PRKG1: variants seen among roughly 807,000 people sequenced by gnomAD.
The protein encoded by PRKG1 is cGMP-dependent protein kinase 1.
PRKG1 carries 35 observed loss-of-function variants against 88.1 expected under a neutral mutation model. That is an observed-to-expected ratio of 0.40 (90% CI 0.30 to 0.53). The LOEUF (loss-of-function observed/expected upper bound fraction) is 0.53, where lower values mean the gene tolerates loss of function less well. Among genes scored for constraint, PRKG1 ranks in the 20% least tolerant of loss-of-function variants. PRKG1 has a pLI of 0.59. For missense variants in PRKG1, 540 were observed against 839.8 expected (o/e 0.64, Z 4.41); for synonymous variants, 303 against 292.5 (o/e 1.04, Z -0.37).
intron 8 of PRKG1, among the ~76,000 whole-genome samples, chr10:52,154,981 T>TA (rs2132674628): frequency 6.6e-6 from 1 of 152,306 alleles, no homozygotes; most frequent in African/African-American, 2.4e-5. Flanking sequence ...TTCATTTTTT[T>TA]ATGGCTGAGT....
At chr10:51,429,806 A>T (rs192727303) in intron 2 of PRKG1, among the ~76,000 whole-genome samples, 2 of 151,998 alleles carry the variant, frequency 1.3e-5, no homozygotes, top group Admixed American at 1.3e-4. Flanking sequence ...GAAAAAAAAA[A>T]CAGAAGAAGG....
intron 7 of PRKG1, among the ~76,000 whole-genome samples, chr10:52,088,368 T>A (rs910526445): frequency 3.3e-5 from 5 of 150,780 alleles, no homozygotes; most frequent in Non-Finnish European, 7.4e-5. Context: ...GATATTATTT[T>A]ATATATTTAT....
At chr10:51,249,059 A>G (rs182288238) in intron 2 of PRKG1, among the ~76,000 whole-genome samples, 2 of 151,978 alleles carry the variant, frequency 1.3e-5, no homozygotes, top group Non-Finnish European at 2.9e-5. Flanking sequence ...CAAATTTATC[A>G]TTTATAAAAT....
chr10:52,015,489 A>G (rs1451791423), intron 5 of PRKG1, among the ~76,000 whole-genome samples: 1 of 152,220 alleles, frequency 6.6e-6, no homozygotes, highest in Non-Finnish European at 1.5e-5. Flanking sequence ...CTGTGATGGC[A>G]GGGGCTGCTG....
At chr10:52,176,076 A>T (rs11001072) in intron 9 of PRKG1, among the ~76,000 whole-genome samples, 4,938 of 150,442 alleles carry the variant, frequency 0.033, 285 homozygotes, top group African/African-American at 0.11. Flanking sequence ...TCCTAGGCTG[A>T]TGTCTTGAAG....
At chr10:51,728,567 G>A (rs1842196776) in intron 3 of PRKG1, among the ~76,000 whole-genome samples, 1 of 26,516 alleles carries the variant, frequency 3.8e-5, no homozygotes, top group African/African-American at 1.5e-4. Flanking sequence ...TTATTACAGA[G>A]TACTTATCTC....
intron 2 of PRKG1, among the ~76,000 whole-genome samples, chr10:51,179,611 A>G (rs1837293278): frequency 6.6e-6 from 1 of 152,198 alleles, no homozygotes; most frequent in Admixed American, 6.5e-5. Context: ...GTGATAATAG[A>G]TTGGTCATTC....
chr10:51,187,846 C>G (rs1235004030), intron 2 of PRKG1, among the ~76,000 whole-genome samples: 1 of 151,950 alleles, frequency 6.6e-6, no homozygotes, highest in Non-Finnish European at 1.5e-5. Flanking sequence ...TTCAGTTCCA[C>G]TAGGATGGTT....
intron 14 of PRKG1, among the ~76,000 whole-genome samples, chr10:52,284,272 A>C (rs1487629829): frequency 6.6e-6 from 1 of 152,072 alleles, no homozygotes; most frequent in East Asian, 1.9e-4. Flanking sequence ...AAAATAAAGC[A>C]CTATAAGTCA....
At chr10:51,459,865 TG>T (rs1283614956) in intron 2 of PRKG1, among the ~76,000 whole-genome samples, 1 of 152,196 alleles carries the variant, frequency 6.6e-6, no homozygotes, top group Non-Finnish European at 1.5e-5. Context: ...TTCAATCTGC[TG>T]GCAACATGAT....
intron 4 of PRKG1, among the ~76,000 whole-genome samples, chr10:51,898,111 C>T (rs1375215213): frequency 1.3e-5 from 2 of 152,094 alleles, no homozygotes; most frequent in Non-Finnish European, 2.9e-5. Flanking sequence ...ACCCTTGGCT[C>T]ACTCTGTTCA....
intron 9 of PRKG1, among the ~76,000 whole-genome samples, chr10:52,170,893 C>A (rs189557219): frequency 6.6e-6 from 1 of 152,174 alleles, no homozygotes; most frequent in East Asian, 1.9e-4. Context: ...GGCTTTCAGA[C>A]AGAACGGCTG....
intron 5 of PRKG1, among the ~76,000 whole-genome samples, chr10:51,923,450 A>C (rs1166190727): frequency 6.6e-6 from 1 of 150,724 alleles, no homozygotes; most frequent in Non-Finnish European, 1.5e-5. Flanking sequence ...TTATATGCTA[A>C]TTTGTGATTA....
chr10:51,248,137 A>G (rs10996317), intron 2 of PRKG1, among the ~76,000 whole-genome samples: 13,879 of 151,896 alleles, frequency 0.091, 771 homozygotes, highest in Middle Eastern at 0.15. Flanking sequence ...AACTACATAC[A>G]TTGTTAAGCT....
chr10:51,046,609 G>A (rs1040457222), intron 1 of PRKG1, among the ~76,000 whole-genome samples: 1 of 152,188 alleles, frequency 6.6e-6, no homozygotes, highest in Non-Finnish European at 1.5e-5. Context: ...AGAGACGACA[G>A]GTCTTAAACA....
intron 2 of PRKG1, among the ~76,000 whole-genome samples, chr10:51,313,697 C>T (rs1398625047): frequency 3.3e-5 from 5 of 152,078 alleles, no homozygotes; most frequent in African/African-American, 9.7e-5. Flanking sequence ...GGACCCAGAG[C>T]GGGTACCAAA....
chr10:51,717,729 G>A (rs1253765956), intron 3 of PRKG1, among the ~76,000 whole-genome samples: 1 of 151,998 alleles, frequency 6.6e-6, no homozygotes, highest in Non-Finnish European at 1.5e-5. Context: ...CTATTCAGGA[G>A]GCTGAGGCTG....
intron 2 of PRKG1, among the ~76,000 whole-genome samples, chr10:51,446,755 A>G (rs1047394935): frequency 2.6e-5 from 4 of 152,008 alleles, no homozygotes; most frequent in Non-Finnish European, 5.9e-5. Flanking sequence ...TTGGCCTTAC[A>G]CTTTGAGAAG....
chr10:51,049,877 G>A (rs2132767612), intron 1 of PRKG1, among the ~76,000 whole-genome samples: 1 of 152,166 alleles, frequency 6.6e-6, no homozygotes, highest in South Asian at 2.1e-4. Context: ...GTACCCATAT[G>A]CATGGCATGG....
Sources: gnomAD v4.1 joint callset for allele counts (sites outside exome capture counted in the v4.1 genomes callset) on GRCh38, gnomAD v4.1.1 for gene constraint, MANE v1.5 for transcripts, NCBI Gene and HGNC (gene_info 2026-07-23, HGNC 2026-07-21) for gene names.